The following ONECUT3 variants were observed in gnomAD, a reference collection of about 807,000 sequenced individuals.
ONECUT3 encodes the protein one cut domain family member 3.
A neutral mutation model predicts 16.8 loss-of-function variants in ONECUT3; 11 were observed. That is an observed-to-expected ratio of 0.66 (90% confidence interval 0.41 to 1.09). The LOEUF is 1.09. Ranked by LOEUF, ONECUT3 falls within the 50% of genes least tolerant of loss-of-function variation. The pLI is 0.00. For synonymous variants in ONECUT3, 344 were observed against 310.7 expected, an observed-to-expected ratio of 1.11 and a Z score of -1.13; for missense variants, 637 against 629.9, an observed-to-expected ratio of 1.01 and a Z score of -0.12.
chr19:1,757,582 C>T (rs945263877), intron 1 of ONECUT3, among the ~76,000 whole-genome samples: 4 of 152,108 alleles, frequency 2.6e-5, no homozygotes, highest in Non-Finnish European at 4.4e-5. Flanking sequence ...CGCGCGGCCC[C>T]GCGGCCGCGG....
Position 1,754,170 on chromosome 19 carries a change from C to T in ONECUT3, c.508C>T (p.Leu170Phe). 1 of 1,150,400 alleles carries T rather than the reference C, an allele frequency of 8.7e-7. No individual in the cohort carries two copies. Among genetic ancestry groups the T allele is most frequent in the Non-Finnish European group, 1.1e-6 (1 of 926,684 alleles). The allele number at this position is 1,150,400 out of a possible 1,614,324, so 71.3% of individuals were successfully genotyped here. The part of the protein sequence containing the change: ...LAASVSGSFT[L>F]MRDERAALAS... ...GGCCAGCGTGAGCGGCAGCTTCACC[C>T]TCATGCGCGACGAGCGGGCGGCGCT... Residue 170 changes from leucine (L) to phenylalanine (F), a missense_variant, in exon 1 of 2, where the codon CTC becomes TTC. Coordinates refer to ENST00000382349, the MANE Select transcript of ONECUT3 (RefSeq NM_001080488.2). This position sits in a 1 kb window ranked among gnomAD's most constrained non-coding sequence, Gnocchi z 7.4.
Position 1,775,194 on chromosome 19 carries a change from C to T in ONECUT3, c.1234C>T (p.Leu412=). The change falls in exon 2 of 2, where the codon CTG becomes TTG. Residue 412 remains leucine (L), a synonymous_variant. Transcript: ENST00000382349. ...ACAGGAGCAGCAGAAGGAGCGCGCCCTGCAGCCCAAGAAGCAGCGCCTGGT... is the reference window on the plus strand; with the variant it reads ...ACAGGAGCAGCAGAAGGAGCGCGCCTTGCAGCCCAAGAAGCAGCGCCTGGT... ...KEQEQQKERA[L]QPKKQRLVFT... The T allele has an allele frequency of 1.9e-6, 3 of 1,549,672 alleles. No homozygotes were observed. The highest frequency in any genetic ancestry group is 2.6e-6 in the Non-Finnish European group (3 of 1,147,704).
At chr19:1,761,988 G>T (rs2067948641) in intron 1 of ONECUT3, among the ~76,000 whole-genome samples, 1 of 152,230 alleles carries the variant, frequency 6.6e-6, no homozygotes, top group South Asian at 2.1e-4. Context: ...GGAGAGGCGT[G>T]CCCGGGTCAC....
chr19:1,775,481 C>A lies in ONECUT3; in HGVS notation c.*36C>A. The A allele has an allele frequency of 7.0e-7, 1 of 1,426,002 alleles. No homozygotes were observed. The allele number at this position is 1,426,002 out of a possible 1,614,324, so 88.3% of individuals were successfully genotyped here. A position where few individuals can be genotyped will look rare whatever the true frequency, so the allele number is the denominator to read the frequency against. On this transcript the variant is annotated 3_prime_UTR_variant, in exon 2 of 2. Coordinates refer to ENST00000382349, the MANE Select transcript of ONECUT3 (RefSeq NM_001080488.2). ...CCCCGCGCCCTCCCTGCCTCCACGG[C>A]CTGGGCGCTGTGCCCCCACGTCACC...
intron 1 of ONECUT3, among the ~76,000 whole-genome samples, chr19:1,765,206 G>A (rs2145961976): frequency 6.6e-6 from 1 of 152,182 alleles, no homozygotes; most frequent in Non-Finnish European, 1.5e-5. Context: ...CTCCTCCCTG[G>A]ACCTTGGGGA....
Position 1,764,476 on chromosome 19 carries a change from T to C in ONECUT3, c.1192+9622T>C, listed in dbSNP as rs536774650. On this transcript the variant is annotated intron_variant, in intron 1 of 1. Transcript: ENST00000382349. The surrounding 1 kb of genome is among the most constrained non-coding windows in gnomAD (Gnocchi z 5.0). ...GACAAGAGGGAGGCTGGGCGCCTGC[T>C]GAGGCCAAGGTGGGCTCCGCGTGAG... 6.6e-6 allele frequency among the ~76,000 whole-genome samples: 1 copy of C among 152,126 alleles called. No individual in the cohort carries two copies. Among genetic ancestry groups the C allele is most frequent in the African/African-American group, 2.4e-5 (1 of 41,482 alleles).
chr19:1,768,662 A>T (rs2068016736), intron 1 of ONECUT3, among the ~76,000 whole-genome samples: 1 of 152,172 alleles, frequency 6.6e-6, no homozygotes, highest in Admixed American at 6.5e-5. Context: ...CCAGGGGCTG[A>T]GTATGCAGTG....
chr19:1,760,468 G>A lies in ONECUT3; in HGVS notation c.1192+5614G>A, dbSNP rs979774889. Among the ~76,000 whole-genome samples, 16 of 152,004 alleles carry A rather than the reference G, an allele frequency of 1.1e-4. No homozygotes were observed. In the East Asian group the frequency reaches 1.4e-3, roughly 13 times the overall value. ...TTTCCACGTTCTCAGCCACTTGGCC[G>A]ATCCTCAGGTGGGGCCAGGTGACCG... On this transcript the variant is annotated intron_variant, in intron 1 of 1. Coordinates refer to ENST00000382349, the MANE Select transcript of ONECUT3 (RefSeq NM_001080488.2).
chr19:1,758,315 A>AAAGAG lies in ONECUT3; in HGVS notation c.1192+3462_1192+3463insAGAGA, dbSNP rs1555799065. Reference sequence around the variant, plus strand: ...GCAGAGAGACCAAAAAAAAAAAAAAAAGAGAGAGAGAGAGAGAGAGACAGA... The same window carrying AAAGAG: ...GCAGAGAGACCAAAAAAAAAAAAAAAAAGAGAGAGAGAGAGAGAGAGAGAGACAGA... On this transcript the variant is annotated intron_variant, in intron 1 of 1. Transcript: ENST00000382349. The surrounding 1 kb of genome is among the most constrained non-coding windows in gnomAD (Gnocchi z 5.9). 3.1e-4 allele frequency among the ~76,000 whole-genome samples: 24 copies of AAAGAG among 77,052 alleles called. No individual in the cohort carries two copies. Among genetic ancestry groups the AAAGAG allele is most frequent in the Middle Eastern group, 6.9e-3 (1 of 144 alleles). 50.5% of individuals were successfully genotyped at this position (77,052 alleles called of 152,430 possible). A position where few individuals can be genotyped will look rare whatever the true frequency, so the allele number is the denominator to read the frequency against.
chr19:1,754,105 C>G lies in ONECUT3; in HGVS notation c.443C>G (p.Ala148Gly), dbSNP rs773052816. ...CATCCCCACGCGCACCCGCACCCGG[C>G]GGCCGCGCCGCCCCCGCCACCCCCG... is the stretch of plus-strand genomic sequence containing the variant. ...GGHPHAHPHP[A>G]AAPPPPPPPQ... is the part of the protein sequence containing the mutation. Residue 148 changes from alanine (A) to glycine (G), a missense_variant, in exon 1 of 2, where the codon GCG becomes GGG. Coordinates refer to ENST00000382349, the MANE Select transcript of ONECUT3 (RefSeq NM_001080488.2). This position sits in a 1 kb window ranked among gnomAD's most constrained non-coding sequence, Gnocchi z 7.4. 8.8e-6 allele frequency: 9 copies of G among 1,017,904 alleles called. No individual in the cohort carries two copies. In the South Asian group the frequency reaches 3.8e-4, roughly 43 times the overall value. The allele number at this position is 1,017,904 out of a possible 1,614,324, so 63.1% of individuals were successfully genotyped here.
intron 1 of ONECUT3, among the ~76,000 whole-genome samples, chr19:1,765,979 T>C (rs1215361976): frequency 6.6e-6 from 1 of 152,228 alleles, no homozygotes; most frequent in Non-Finnish European, 1.5e-5. Flanking sequence ...GCGAGCCAGC[T>C]GCATCCCACA....
At chr19:1,771,633 A>G (rs1486538669) in intron 1 of ONECUT3, among the ~76,000 whole-genome samples, 1 of 152,068 alleles carries the variant, frequency 6.6e-6, no homozygotes, top group East Asian at 1.9e-4. Flanking sequence ...TTTCACAACA[A>G]CGAGGCTTGA....
At position 1,753,632 on chromosome 19, in the gene ONECUT3, A is replaced by G; in HGVS notation, c.-31A>G. On this transcript the variant is annotated 5_prime_UTR_variant, in exon 1 of 2. Coordinates refer to ENST00000382349, the MANE Select transcript of ONECUT3 (RefSeq NM_001080488.2). ...CCTTGAGCACTAGGGGCCGGCGCTGAGGAGCGCGCGCGGCGGGAGGGCAGC... is the reference window on the plus strand; with the variant it reads ...CCTTGAGCACTAGGGGCCGGCGCTGGGGAGCGCGCGCGGCGGGAGGGCAGC... The G allele has an allele frequency of 1.1e-6, 1 of 936,814 alleles. No individual in the cohort carries two copies. The highest frequency in any genetic ancestry group is 1.3e-6 in the Non-Finnish European group (1 of 769,738). The allele number at this position is 936,814 out of a possible 1,614,324, so 58.0% of individuals were successfully genotyped here. A position where few individuals can be genotyped will look rare whatever the true frequency, so the allele number is the denominator to read the frequency against.
At chr19:1,761,622 TA>T (rs1191007236) in intron 1 of ONECUT3, among the ~76,000 whole-genome samples, 1 of 152,136 alleles carries the variant, frequency 6.6e-6, no homozygotes, top group Non-Finnish European at 1.5e-5. Flanking sequence ...GCCGGGCAGG[TA>T]GCCCGGCTTA....
Position 1,754,684 on chromosome 19 carries a change from A to T in ONECUT3, c.1022A>T (p.Gln341Leu). 1 of 1,532,808 alleles carries T rather than the reference A, an allele frequency of 6.5e-7. No homozygotes were observed. The highest frequency in any genetic ancestry group is 8.8e-7 in the Non-Finnish European group (1 of 1,140,702). 95.0% of individuals were successfully genotyped at this position (1,532,808 alleles called of 1,614,324 possible). A position where few individuals can be genotyped will look rare whatever the true frequency, so the allele number is the denominator to read the frequency against. ...TAELKRYSIP[Q>L]AIFAQRILCR... is the part of the protein sequence containing the mutation. Reference sequence around the variant, plus strand: ...GAGCTGAAGCGCTACAGCATCCCGCAGGCAATCTTCGCGCAGCGGATCCTG... The same window carrying T: ...GAGCTGAAGCGCTACAGCATCCCGCTGGCAATCTTCGCGCAGCGGATCCTG... Residue 341 changes from glutamine to leucine, a missense_variant, in exon 1 of 2, where the codon CAG becomes CTG. Around this residue, in one of 3 missense-constraint regions of ONECUT3, gnomAD observed 35 missense variants for 63.8 expected, o/e 0.55. Transcript: ENST00000382349. The surrounding 1 kb of genome is among the most constrained non-coding windows in gnomAD (Gnocchi z 7.4).
At chr19:1,775,130 G>GCCCA in intron 1 of ONECUT3, 23 bp from the exon 2 acceptor site, 2 of 756,850 alleles carry the variant, frequency 2.6e-6, no homozygotes, top group Non-Finnish European at 3.8e-6. Flanking sequence ...CCGCTCGCCC[G>GCCCA]CCCGCCCGCC....
chr19:1,763,342 G>C (rs1056407744), intron 1 of ONECUT3, among the ~76,000 whole-genome samples: 4 of 118,668 alleles, frequency 3.4e-5, no homozygotes, highest in Non-Finnish European at 6.7e-5. Flanking sequence ...CCGGCAGCCT[G>C]GGTGACAGAG....
intron 1 of ONECUT3, among the ~76,000 whole-genome samples, chr19:1,774,715 G>C (rs2068088587): frequency 6.7e-6 from 1 of 150,160 alleles, no homozygotes; most frequent in African/African-American, 2.5e-5. Context: ...GGGGGTGCCT[G>C]AGTGGGCTCC....
chr19:1,759,790 G>T lies in ONECUT3; in HGVS notation c.1192+4936G>T, dbSNP rs2067936451. Among the ~76,000 whole-genome samples the T allele has an allele frequency of 6.6e-6, 1 of 152,154 alleles. No homozygotes were observed. Among genetic ancestry groups the T allele is most frequent in the Admixed American group, 6.5e-5 (1 of 15,286 alleles). ...CTAGGAGAGGGGGTATGAGGGGCTG[G>T]AGGGGCTCAGGGGTCTGAAGGGGCC... On this transcript the variant is annotated intron_variant, in intron 1 of 1. Coordinates refer to ENST00000382349, the MANE Select transcript of ONECUT3 (RefSeq NM_001080488.2). The surrounding 1 kb of genome is among the most constrained non-coding windows in gnomAD (Gnocchi z 4.1).
Sources: gnomAD v4.1 joint callset for allele counts (sites outside exome capture counted in the v4.1 genomes callset) on GRCh38, gnomAD v4.1.1 for gene constraint, gnomAD v4.1.1 regional missense constraint, Gnocchi (gnomAD v3.1) non-coding constraint, MANE v1.5 for transcripts, NCBI Gene and HGNC (gene_info 2026-07-23, HGNC 2026-07-21) for gene names.